Variants in ARHGAP24 observed in about 807,000 individuals in gnomAD.
The protein encoded by ARHGAP24 is Rho GTPase activating protein 24.
In ARHGAP24, 50 loss-of-function variants were observed where a neutral mutation model predicts 76.4. That is an observed-to-expected ratio of 0.65 (90% CI 0.52 to 0.83). The LOEUF is 0.83. ARHGAP24 is among the 40% of genes least tolerant of loss of function. ARHGAP24 has a pLI of 0.00. For missense variants in ARHGAP24, 930 were observed against 914.2 expected (o/e 1.02, Z -0.22); for synonymous variants, 345 against 323.3 (o/e 1.07, Z -0.72).
At chr4:85,603,952 AAAG>A (rs1183870698) in intron 2 of ARHGAP24, among the ~76,000 whole-genome samples, 3 of 152,152 alleles carry the variant, frequency 2.0e-5, no homozygotes, top group Non-Finnish European at 4.4e-5. Context: ...TAATGAGCAA[AAAG>A]AATACTCATT....
At chr4:85,845,184 G>A (rs1054139957) in intron 3 of ARHGAP24, among the ~76,000 whole-genome samples, 4 of 151,932 alleles carry the variant, frequency 2.6e-5, no homozygotes, top group Non-Finnish European at 5.9e-5. Context: ...AATCTTCCCG[G>A]GAAATTTATC....
rs568620330 is a variant in ARHGAP24, at chr4:85,689,617, G to A, written c.181-32268G>A. Reference sequence around the variant, plus strand: ...TTACCCAGGCTAGTCTCGAACTTCTGAGCTCAAGTGATCTGCCCTCCTCAG... The same window carrying A: ...TTACCCAGGCTAGTCTCGAACTTCTAAGCTCAAGTGATCTGCCCTCCTCAG... On this transcript the variant is annotated intron_variant, in intron 2 of 9. Coordinates refer to ENST00000395184, the MANE Select transcript of ARHGAP24 (RefSeq NM_001025616.3). Among the ~76,000 whole-genome samples the A allele has an allele frequency of 9.7e-4, 148 of 152,190 alleles. 1 individual carries two copies. Among genetic ancestry groups the A allele is most frequent in the African/African-American group, 3.3e-3 (138 of 41,526 alleles).
intron 2 of ARHGAP24, among the ~76,000 whole-genome samples, chr4:85,700,204 G>A (rs559831799): frequency 6.6e-6 from 1 of 152,046 alleles, no homozygotes; most frequent in African/African-American, 2.4e-5. Flanking sequence ...AGATCAGCCT[G>A]GCCAACATGG....
At chr4:85,577,048 A>G (rs1273971327) in intron 2 of ARHGAP24, among the ~76,000 whole-genome samples, 2 of 151,800 alleles carry the variant, frequency 1.3e-5, no homozygotes, top group Non-Finnish European at 2.9e-5. Context: ...TAAGCATGAA[A>G]TAAACATTAG....
At chr4:85,485,518 A>G (rs1343449858) in intron 1 of ARHGAP24, among the ~76,000 whole-genome samples, 1 of 149,862 alleles carries the variant, frequency 6.7e-6, no homozygotes, top group Non-Finnish European at 1.5e-5. Context: ...CTATGGTTGG[A>G]GAAAAGTGAA....
chr4:86,000,061 A>C (rs1263526473), intron 9 of ARHGAP24: 8 of 170,638 alleles, frequency 4.7e-5, no homozygotes, highest in African/African-American at 2.0e-4. Flanking sequence ...CTTTTATAGA[A>C]GGCAAATGTT....
At chr4:85,680,067 T>A (rs1723145113) in intron 2 of ARHGAP24, among the ~76,000 whole-genome samples, 2 of 152,168 alleles carry the variant, frequency 1.3e-5, no homozygotes, top group South Asian at 4.1e-4. Context: ...TGTAGCATGG[T>A]CATGAGACAG....
intron 2 of ARHGAP24, among the ~76,000 whole-genome samples, chr4:85,721,073 A>G (rs781044033): frequency 2.0e-5 from 3 of 152,202 alleles, no homozygotes; most frequent in Non-Finnish European, 4.4e-5. Flanking sequence ...ACTGAATGAA[A>G]TGATCCACTA....
At chr4:85,570,928 T>C (rs1324910514) in intron 2 of ARHGAP24, 1 of 535,392 alleles carries the variant, frequency 1.9e-6, no homozygotes, top group Non-Finnish European at 3.3e-6. Context: ...TATACTTGTC[T>C]AATATTAATT....
At chr4:85,858,685 T>C (rs1354985695) in intron 3 of ARHGAP24, among the ~76,000 whole-genome samples, 3 of 152,092 alleles carry the variant, frequency 2.0e-5, no homozygotes, top group Non-Finnish European at 4.4e-5. Context: ...AAGCAATGTC[T>C]TGTAAGATAT....
At chr4:85,660,671 C>G (rs1279758315) in intron 2 of ARHGAP24, among the ~76,000 whole-genome samples, 1 of 151,786 alleles carries the variant, frequency 6.6e-6, no homozygotes, top group East Asian at 1.9e-4. Flanking sequence ...TGGCACATGC[C>G]TGTAATCCCA....
chr4:85,496,087 CACACTTAGTG>C (rs1286993696), intron 1 of ARHGAP24, among the ~76,000 whole-genome samples: 1 of 152,218 alleles, frequency 6.6e-6, no homozygotes, highest in Non-Finnish European at 1.5e-5. Flanking sequence ...TCCTCCTAGT[CACACTTAGTG>C]ATTACAAAGT....
chr4:85,533,985 C>A (rs1412870374), intron 1 of ARHGAP24, among the ~76,000 whole-genome samples: 1 of 152,150 alleles, frequency 6.6e-6, no homozygotes, highest in African/African-American at 2.4e-5. Context: ...TTAGCTGAAT[C>A]TGCACATGAA....
chr4:85,572,464 G>A lies in ARHGAP24; in HGVS notation c.180+1743G>A, dbSNP rs553899869. Among the ~76,000 whole-genome samples, 251 of 152,180 alleles carry A rather than the reference G, an allele frequency of 1.6e-3. 2 individuals carry two copies. The highest frequency in any genetic ancestry group is 3.4e-3 in the Middle Eastern group (1 of 294). On this transcript the variant is annotated intron_variant, in intron 2 of 9. Transcript: ENST00000395184. ...GCACATTCTCAAATTTGAGAAACAC[G>A]GACCACAGTCTTGGATCCACTGTAT... is the stretch of plus-strand genomic sequence containing the variant.
intron 2 of ARHGAP24, among the ~76,000 whole-genome samples, chr4:85,655,766 CAT>C (rs370571889): frequency 0.046 from 3,189 of 68,950 alleles, 190 homozygotes; most frequent in East Asian, 0.12. Context: ...AGTGAGACTC[CAT>C]ATATATATAT....
chr4:85,954,443 G>A (rs936487098), intron 5 of ARHGAP24, among the ~76,000 whole-genome samples: 1 of 152,126 alleles, frequency 6.6e-6, no homozygotes, highest in Non-Finnish European at 1.5e-5. Context: ...CTCCTTGAGG[G>A]CAGGATCCTT....
In ARHGAP24 at chr4:85,770,389, C is replaced by T. The variant is rs559708940; in HGVS notation, c.268+48417C>T. Among the ~76,000 whole-genome samples, 188 of 152,240 alleles carry T rather than the reference C, an allele frequency of 1.2e-3. 1 individual carries two copies. Among genetic ancestry groups the T allele is most frequent in the African/African-American group, 4.4e-3 (183 of 41,538 alleles). ...CAATGCTTTCTCACCTAAGAAAATT[C>T]CAATAGTCCTCCTATTGTTCACAAA... On this transcript the variant is annotated intron_variant, in intron 3 of 9. Transcript: ENST00000395184.
intron 5 of ARHGAP24, among the ~76,000 whole-genome samples, chr4:85,962,441 G>A (rs978077462): frequency 6.6e-6 from 1 of 152,016 alleles, no homozygotes; most frequent in Non-Finnish European, 1.5e-5. Flanking sequence ...AGGTGAGAAA[G>A]AAGCTCACCT....
intron 3 of ARHGAP24, among the ~76,000 whole-genome samples, chr4:85,856,255 G>A (rs1731552923): frequency 6.6e-6 from 1 of 151,912 alleles, no homozygotes; most frequent in African/African-American, 2.4e-5. Context: ...CCATTCACTA[G>A]TGTCATTTAC....
Sources: allele counts gnomAD v4.1 joint callset (sites outside exome capture counted in the v4.1 genomes callset), GRCh38; gene constraint gnomAD v4.1.1; transcripts MANE v1.5; gene names NCBI Gene and HGNC (gene_info 2026-07-23, HGNC 2026-07-21).